The following KRTAP9-8 variants were observed in gnomAD, a reference collection of about 807,000 sequenced individuals.
The protein encoded by KRTAP9-8 is keratin associated protein 9-8, also known as keratin-associated protein 9-8.
In KRTAP9-8, 10 loss-of-function variants were observed where a neutral mutation model predicts 12.8. The observed-to-expected ratio is 0.78, with a 90% CI of 0.48 to 1.33. KRTAP9-8 has a LOEUF of 1.33. Ranked by LOEUF, KRTAP9-8 falls within the 40% of genes most tolerant of loss-of-function variation. The pLI is 0.00. For missense variants in KRTAP9-8, 197 were observed against 197.0 expected, an observed-to-expected ratio of 1.00 and a Z score of 0.00; for synonymous variants, 94 against 70.8, an observed-to-expected ratio of 1.33 and a Z score of -1.64.
rs749617476 is a variant in KRTAP9-8, at chr17:41,238,050, C to G, written c.-2C>G. ...AGAACTCCACCCTCTACCCCTGACA[C>G]CATGACCCACTGTTGTTCCCCTTGC... On this transcript the variant is annotated 5_prime_UTR_variant, in exon 1 of 1. Transcript: ENST00000254072. 1.2e-6 allele frequency: 2 copies of G among 1,606,266 alleles called. No homozygotes were observed. The highest frequency in any genetic ancestry group is 1.7e-5 in the Admixed American group (1 of 59,936).
chr17:41,238,533 C>T lies in KRTAP9-8; in HGVS notation c.*2C>T. 10 of 1,570,532 alleles carry T rather than the reference C, an allele frequency of 6.4e-6. No homozygotes were observed. The highest frequency in any genetic ancestry group is 7.7e-6 in the Non-Finnish European group (9 of 1,163,560). On this transcript the variant is annotated 3_prime_UTR_variant, in exon 1 of 1. Transcript: ENST00000254072. ...TGCTGCCAGCCTTCTTGCTGCTGAT[C>T]ACGTTCCAAGAGAACCACCATCCTC...
In KRTAP9-8 at chr17:41,238,663, G is replaced by A; in HGVS notation, c.*132G>A. On this transcript the variant is annotated 3_prime_UTR_variant, in exon 1 of 1. Coordinates refer to ENST00000254072, the MANE Select transcript of KRTAP9-8 (RefSeq NM_031963.3). ...CCAAATTTTTATGAATTCTCTACAT[G>A]TTTAAAATCTTGGAAATCTGCTTGA... is the stretch of plus-strand genomic sequence containing the variant. 2 of 597,542 alleles carry A rather than the reference G, an allele frequency of 3.3e-6. No homozygotes were observed. Among genetic ancestry groups the A allele is most frequent in the South Asian group, 2.0e-5 (1 of 49,602 alleles). 37.0% of individuals were successfully genotyped at this position (597,542 alleles called of 1,614,324 possible). A position where few individuals can be genotyped will look rare whatever the true frequency, so the allele number is the denominator to read the frequency against.
rs750507930 is a variant in KRTAP9-8, at chr17:41,238,040, A to G, written c.-12A>G. On this transcript the variant is annotated 5_prime_UTR_variant, in exon 1 of 1. Coordinates refer to ENST00000254072, the MANE Select transcript of KRTAP9-8 (RefSeq NM_031963.3). The stretch of plus-strand genomic sequence containing the variant: ...ACCTCTGAACAGAACTCCACCCTCT[A>G]CCCCTGACACCATGACCCACTGTTG... 6.2e-7 allele frequency: 1 copy of G among 1,605,646 alleles called. No individual in the cohort carries two copies. Among genetic ancestry groups the G allele is most frequent in the Non-Finnish European group, 8.5e-7 (1 of 1,179,552 alleles).
chr17:41,238,329 G>C lies in KRTAP9-8; in HGVS notation c.278G>C (p.Ser93Thr). 1 of 1,607,720 alleles carries C rather than the reference G, an allele frequency of 6.2e-7. No individual in the cohort carries two copies. The highest frequency in any genetic ancestry group is 8.5e-7 in the Non-Finnish European group (1 of 1,179,942). The change falls in exon 1 of 1, where the codon AGC becomes ACC. Residue 93 changes from serine (S) to threonine (T), a missense_variant. Coordinates refer to ENST00000254072, the MANE Select transcript of KRTAP9-8 (RefSeq NM_031963.3). ...AGCTGTGGGTCCAGCTGTGGTCAGA[G>C]CAGCTCCTGTGCACCTGTGTACTGC... Reference protein sequence around the residue: ...QTSCGSSCGQSSSCAPVYCRR... With the variant: ...QTSCGSSCGQTSSCAPVYCRR...
chr17:41,238,288 C>A lies in KRTAP9-8; in HGVS notation c.237C>A (p.Thr79=), dbSNP rs772968895. ...SCCSTPCCQP[T]CCGQTSCGSS... ...GCAGCACACCCTGCTGTCAGCCCACCTGCTGTGGCCAAACCAGCTGTGGGT... is the reference window on the plus strand; with the variant it reads ...GCAGCACACCCTGCTGTCAGCCCACATGCTGTGGCCAAACCAGCTGTGGGT... Residue 79 remains threonine (T), a synonymous_variant, in exon 1 of 1, where the codon ACC becomes ACA. Coordinates refer to ENST00000254072, the MANE Select transcript of KRTAP9-8 (RefSeq NM_031963.3). The A allele has an allele frequency of 9.9e-6, 16 of 1,608,390 alleles. No individual in the cohort carries two copies. The highest frequency in any genetic ancestry group is 8.5e-7 in the Non-Finnish European group (1 of 1,179,992).
Position 41,238,180 on chromosome 17 carries a change from C to T in KRTAP9-8, c.129C>T (p.Cys43=), listed in dbSNP as rs201081592. Residue 43 remains cysteine, a synonymous_variant, in exon 1 of 1, where the codon TGC becomes TGT. Coordinates refer to ENST00000254072, the MANE Select transcript of KRTAP9-8 (RefSeq NM_031963.3). The stretch of plus-strand genomic sequence containing the variant: ...CCTCCTGCTGTGTGTCCAGCTGCTG[C>T]CAGCCTTGCTGCCGCCCAACTTGCT... The part of the protein sequence containing the change: ...CQPSCCVSSC[C]QPCCRPTCCQ... 27 of 1,607,802 alleles carry T rather than the reference C, an allele frequency of 1.7e-5. No individual in the cohort carries two copies. Among genetic ancestry groups the T allele is most frequent in the Non-Finnish European group, 7.6e-6 (9 of 1,179,850 alleles).
chr17:41,238,024 C>G lies in KRTAP9-8; in HGVS notation c.-28C>G. On this transcript the variant is annotated 5_prime_UTR_variant, in exon 1 of 1. Coordinates refer to ENST00000254072, the MANE Select transcript of KRTAP9-8 (RefSeq NM_031963.3). ...AGATTCTGGGAAACTCACCTCTGAA[C>G]AGAACTCCACCCTCTACCCCTGACA... 6.2e-7 allele frequency: 1 copy of G among 1,603,392 alleles called. No homozygotes were observed. Among genetic ancestry groups the G allele is most frequent in the Non-Finnish European group, 8.5e-7 (1 of 1,177,994 alleles).
rs151121458 is a variant in KRTAP9-8 at position 41,238,048 on chromosome 17, C to T, written c.-4C>T. The T allele has an allele frequency of 3.7e-6, 6 of 1,606,230 alleles. No individual in the cohort carries two copies. Among genetic ancestry groups the T allele is most frequent in the South Asian group, 2.2e-5 (2 of 90,954 alleles). On this transcript the variant is annotated 5_prime_UTR_variant, in exon 1 of 1. Transcript: ENST00000254072. ...ACAGAACTCCACCCTCTACCCCTGACACCATGACCCACTGTTGTTCCCCTT... is the reference window on the plus strand; with the variant it reads ...ACAGAACTCCACCCTCTACCCCTGATACCATGACCCACTGTTGTTCCCCTT...
In KRTAP9-8 at chr17:41,238,776, A is replaced by G; in HGVS notation, c.*245A>G. 1 of 314,834 alleles carries G rather than the reference A, an allele frequency of 3.2e-6. No individual in the cohort carries two copies. 19.5% of individuals were successfully genotyped at this position (314,834 alleles called of 1,614,324 possible). On this transcript the variant is annotated 3_prime_UTR_variant, in exon 1 of 1. Coordinates refer to ENST00000254072, the MANE Select transcript of KRTAP9-8 (RefSeq NM_031963.3). Reference sequence around the variant, plus strand: ...CTTCATCTGTTCTCAAGTTTGAGTCATGGTCTCAGCTTTGACTCTAAAGTC... The same window carrying G: ...CTTCATCTGTTCTCAAGTTTGAGTCGTGGTCTCAGCTTTGACTCTAAAGTC...
Position 41,238,272 on chromosome 17 carries a change from C to A in KRTAP9-8, c.221C>A (p.Pro74His). Residue 74 changes from proline to histidine, a missense_variant, in exon 1 of 1, where the codon CCC (proline) becomes CAC (histidine). Transcript: ENST00000254072. ...SCCQPSCCST[P>H]CCQPTCCGQT... Reference sequence around the variant, plus strand: ...TGCCAGCCTTCCTGCTGCAGCACACCCTGCTGTCAGCCCACCTGCTGTGGC... The same window carrying A: ...TGCCAGCCTTCCTGCTGCAGCACACACTGCTGTCAGCCCACCTGCTGTGGC... 3 of 1,607,532 alleles carry A rather than the reference C, an allele frequency of 1.9e-6. No homozygotes were observed. The highest frequency in any genetic ancestry group is 2.5e-6 in the Non-Finnish European group (3 of 1,179,800).
chr17:41,238,314 C>T lies in KRTAP9-8; in HGVS notation c.263C>T (p.Ser88Phe), dbSNP rs550470802. ...PTCCGQTSCG[S>F]SCGQSSSCAP... Reference sequence around the variant, plus strand: ...TGCTGTGGCCAAACCAGCTGTGGGTCCAGCTGTGGTCAGAGCAGCTCCTGT... The same window carrying T: ...TGCTGTGGCCAAACCAGCTGTGGGTTCAGCTGTGGTCAGAGCAGCTCCTGT... The change falls in exon 1 of 1, where the codon TCC (serine) becomes TTC (phenylalanine). Residue 88 changes from serine (S) to phenylalanine (F), a missense_variant. Coordinates refer to ENST00000254072, the MANE Select transcript of KRTAP9-8 (RefSeq NM_031963.3). The T allele has an allele frequency of 2.3e-5, 37 of 1,607,738 alleles. No individual in the cohort carries two copies. The highest frequency in any genetic ancestry group is 1.7e-4 in the Middle Eastern group (1 of 6,054).
In KRTAP9-8 at chr17:41,238,371, A is replaced by G. The variant is rs201769544; in HGVS notation, c.320A>G (p.His107Arg). The G allele has an allele frequency of 7.5e-6, 12 of 1,603,514 alleles. No individual in the cohort carries two copies. Among genetic ancestry groups the G allele is most frequent in the Admixed American group, 1.7e-5 (1 of 59,530 alleles). ...GTGTACTGCAGAAGAACCTGCTACC[A>G]CCCCACGACTGTCTGCCTGCCTGGT... ...APVYCRRTCY[H>R]PTTVCLPGCL... is the part of the protein sequence containing the mutation. Residue 107 changes from histidine (H) to arginine (R), a missense_variant, in exon 1 of 1, where the codon CAC becomes CGC. Physicochemically the swap from His to Arg is conservative, Grantham distance 29. Transcript: ENST00000254072.
Position 41,238,081 on chromosome 17 carries a change from G to A in KRTAP9-8, c.30G>A (p.Gln10=), listed in dbSNP as rs2015984180. ...CCCACTGTTGTTCCCCTTGCTGTCAGCCTACGTGCTGCAGGACCACCTGCT... is the reference window on the plus strand; with the variant it reads ...CCCACTGTTGTTCCCCTTGCTGTCAACCTACGTGCTGCAGGACCACCTGCT... The part of the protein sequence containing the change: MTHCCSPCC[Q]PTCCRTTCWK... Residue 10 remains glutamine, a synonymous_variant, in exon 1 of 1, where the codon CAG becomes CAA. Coordinates refer to ENST00000254072, the MANE Select transcript of KRTAP9-8 (RefSeq NM_031963.3). The A allele has an allele frequency of 2.5e-6, 4 of 1,606,636 alleles. No homozygotes were observed. Among genetic ancestry groups the A allele is most frequent in the Non-Finnish European group, 3.4e-6 (4 of 1,179,826 alleles).
In KRTAP9-8 at chr17:41,238,510, C is replaced by T; in HGVS notation, c.459C>T (p.Cys153=). The T allele has an allele frequency of 1.3e-6, 2 of 1,584,208 alleles. No homozygotes were observed. Among genetic ancestry groups the T allele is most frequent in the Admixed American group, 1.7e-5 (1 of 57,920 alleles). Residue 153 remains cysteine, a synonymous_variant, in exon 1 of 1, where the codon TGC becomes TGT. Transcript: ENST00000254072. ...TCCAGCCCACCTGTGTGTCCAGCTGCTGCCAGCCTTCTTGCTGCTGATCAC... is the reference window on the plus strand; with the variant it reads ...TCCAGCCCACCTGTGTGTCCAGCTGTTGCCAGCCTTCTTGCTGCTGATCAC... ...TCFQPTCVSS[C]CQPSCC
Position 41,238,358 on chromosome 17 carries a change from A to G in KRTAP9-8, c.307A>G (p.Arg103Gly). The G allele has an allele frequency of 2.5e-6, 4 of 1,607,758 alleles. No homozygotes were observed. Among genetic ancestry groups the G allele is most frequent in the Non-Finnish European group, 3.4e-6 (4 of 1,179,964 alleles). The change falls in exon 1 of 1, where the codon AGA (arginine) becomes GGA (glycine). Residue 103 changes from arginine to glycine, a missense_variant. Coordinates refer to ENST00000254072, the MANE Select transcript of KRTAP9-8 (RefSeq NM_031963.3). ...CTCCTGTGCACCTGTGTACTGCAGA[A>G]GAACCTGCTACCACCCCACGACTGT... is the stretch of plus-strand genomic sequence containing the variant. ...SSSCAPVYCR[R>G]TCYHPTTVCL...
At position 41,238,138 on chromosome 17, in the gene KRTAP9-8, C is replaced by A; in HGVS notation, c.87C>A (p.Ser29Arg). Residue 29 changes from serine to arginine, a missense_variant, in exon 1 of 1, where the codon AGC (serine) becomes AGA (arginine). Coordinates refer to ENST00000254072, the MANE Select transcript of KRTAP9-8 (RefSeq NM_031963.3). ...WKPTTVTTCS[S>R]TPCCQPSCCV... is the part of the protein sequence containing the mutation. ...CCACCACTGTGACCACCTGCAGCAG[C>A]ACACCCTGCTGCCAGCCCTCCTGCT... is the stretch of plus-strand genomic sequence containing the variant. 6.2e-7 allele frequency: 1 copy of A among 1,607,838 alleles called. No homozygotes were observed. The highest frequency in any genetic ancestry group is 8.5e-7 in the Non-Finnish European group (1 of 1,179,870).
chr17:41,238,057 C>T lies in KRTAP9-8; in HGVS notation c.6C>T (p.Thr2=). M[T]HCCSPCCQPT... is the part of the protein sequence containing the mutation. The stretch of plus-strand genomic sequence containing the variant: ...CACCCTCTACCCCTGACACCATGAC[C>T]CACTGTTGTTCCCCTTGCTGTCAGC... The change falls in exon 1 of 1, where the codon ACC becomes ACT. Residue 2 remains threonine (T), a synonymous_variant. Coordinates refer to ENST00000254072, the MANE Select transcript of KRTAP9-8 (RefSeq NM_031963.3). 1 of 1,606,396 alleles carries T rather than the reference C, an allele frequency of 6.2e-7. No individual in the cohort carries two copies. The highest frequency in any genetic ancestry group is 1.1e-5 in the South Asian group (1 of 90,962).
In KRTAP9-8 at chr17:41,238,034, C is replaced by T. The variant is rs142988216; in HGVS notation, c.-18C>T. On this transcript the variant is annotated 5_prime_UTR_variant, in exon 1 of 1. Transcript: ENST00000254072. ...AAACTCACCTCTGAACAGAACTCCA[C>T]CCTCTACCCCTGACACCATGACCCA... The T allele has an allele frequency of 6.2e-7, 1 of 1,605,332 alleles. No individual in the cohort carries two copies. Among genetic ancestry groups the T allele is most frequent in the African/African-American group, 1.4e-5 (1 of 69,454 alleles).
Position 41,238,417 on chromosome 17 carries a change from C to A in KRTAP9-8, c.366C>A (p.Gly122=), listed in dbSNP as rs544633025. 2.8e-4 allele frequency: 455 copies of A among 1,602,986 alleles called. 1 individual carries two copies. The East Asian group carries it at 8.8e-3, about 31-fold the overall frequency. The change falls in exon 1 of 1, where the codon GGC becomes GGA. Residue 122 remains glycine, a synonymous_variant. Coordinates refer to ENST00000254072, the MANE Select transcript of KRTAP9-8 (RefSeq NM_031963.3). ...CLPGCLNQSC[G]SNCCQPCCRP... ...CTGGTTGCCTAAACCAGAGCTGTGG[C>A]TCCAACTGCTGCCAGCCCTGCTGCC...
Sources: gnomAD v4.1 joint callset for allele counts on GRCh38, gnomAD v4.1.1 for gene constraint, MANE v1.5 for transcripts, NCBI Gene and HGNC (gene_info 2026-07-23, HGNC 2026-07-21) for gene names.